Variants in PCDHGA3 observed in about 807,000 individuals in gnomAD.
PCDHGA3 encodes protocadherin gamma-A3.
In PCDHGA3, 40 loss-of-function variants were observed where a neutral mutation model predicts 58.5. The observed-to-expected ratio is 0.68, with a 90% confidence interval of 0.53 to 0.89. The LOEUF is 0.89. Ranked by LOEUF, PCDHGA3 falls within the 40% of genes least tolerant of loss-of-function variation. The pLI is 0.00. For synonymous variants in PCDHGA3, 530 were observed against 525.7 expected (o/e 1.01, Z -0.11); for missense variants, 1,223 against 1,195.9 (o/e 1.02, Z -0.33).
rs1203060261 is a variant in PCDHGA3, at chr5:141,493,037, AG to A, written c.2425-1768del. 3.3e-5 allele frequency among the ~76,000 whole-genome samples: 5 copies of A among 152,252 alleles called. No individual in the cohort carries two copies. The highest frequency in any genetic ancestry group is 2.6e-4 in the Admixed American group (4 of 15,290). ...AGATGCCAGGGTGCCCTTATGTGTG[AG>A]GAAACTACAATAGTAAAAAACACAA... is the stretch of plus-strand genomic sequence containing the variant. On this transcript the variant is annotated intron_variant, in intron 1 of 3. Transcript: ENST00000253812. This position sits in a 1 kb window ranked among gnomAD's most constrained non-coding sequence, Gnocchi z 4.3.
chr5:141,489,101 T>A lies in PCDHGA3; in HGVS notation c.2425-5706T>A. 2 of 398,380 alleles carry A rather than the reference T, an allele frequency of 5.0e-6. No individual in the cohort carries two copies. Among genetic ancestry groups the A allele is most frequent in the Non-Finnish European group, 9.0e-6 (2 of 223,310 alleles). The allele number at this position is 398,380 out of a possible 1,614,324, so 24.7% of individuals were successfully genotyped here. ...CCGCCACTCGGTGACTAAGAACTGC[T>A]GCAAGCAGGCAAACCTCCGAGCAGT... On this transcript the variant is annotated intron_variant, in intron 1 of 3. Coordinates refer to ENST00000253812, the MANE Select transcript of PCDHGA3 (RefSeq NM_018916.4). This position sits in a 1 kb window ranked among gnomAD's most constrained non-coding sequence, Gnocchi z 4.5.
intron 1 of PCDHGA3, among the ~76,000 whole-genome samples, chr5:141,368,609 A>T (rs917384420): frequency 1.3e-5 from 2 of 152,154 alleles, no homozygotes; most frequent in African/African-American, 4.8e-5. Context: ...AAGGTTATAG[A>T]TTTGGGTACA....
intron 1 of PCDHGA3, among the ~76,000 whole-genome samples, chr5:141,347,104 TCTC>T (rs1561493242): frequency 6.6e-6 from 1 of 151,128 alleles, no homozygotes; most frequent in African/African-American, 2.4e-5. Flanking sequence ...CCTTCCTCTC[TCTC>T]TTTCCTCCTT....
chr5:141,438,288 G>C (rs752722248), intron 1 of PCDHGA3, among the ~76,000 whole-genome samples: 18 of 151,902 alleles, frequency 1.2e-4, no homozygotes, highest in Non-Finnish European at 2.1e-4. Flanking sequence ...AATTTAATCT[G>C]TATGTAAAAG....
intron 1 of PCDHGA3, chr5:141,389,735 G>A: frequency 6.2e-7 from 1 of 1,612,708 alleles, no homozygotes; most frequent in Non-Finnish European, 8.5e-7. Flanking sequence ...TCTTCAGCCT[G>A]GGGCTGCGCA....
At chr5:141,425,606 G>A (rs1419859039) in intron 1 of PCDHGA3, among the ~76,000 whole-genome samples, 1 of 152,156 alleles carries the variant, frequency 6.6e-6, no homozygotes, top group Non-Finnish European at 1.5e-5. Context: ...GCCCTATATA[G>A]CTTTCAGTGC....
chr5:141,486,940 A>T lies in PCDHGA3; in HGVS notation c.2425-7867A>T. ...CTCCATCAGTTGGTGCTGGCCACCTAATCACAAAGGTGACTGCTGTGGACT... is the reference window on the plus strand; with the variant it reads ...CTCCATCAGTTGGTGCTGGCCACCTTATCACAAAGGTGACTGCTGTGGACT... On this transcript the variant is annotated intron_variant, in intron 1 of 3. Coordinates refer to ENST00000253812, the MANE Select transcript of PCDHGA3 (RefSeq NM_018916.4). This position sits in a 1 kb window ranked among gnomAD's most constrained non-coding sequence, Gnocchi z 5.0. 6.2e-7 allele frequency: 1 copy of T among 1,614,188 alleles called. No homozygotes were observed. Among genetic ancestry groups the T allele is most frequent in the Non-Finnish European group, 8.5e-7 (1 of 1,180,032 alleles).
At chr5:141,348,999 A>G (rs1758216854) in intron 1 of PCDHGA3, among the ~76,000 whole-genome samples, 1 of 152,172 alleles carries the variant, frequency 6.6e-6, no homozygotes, top group Non-Finnish European at 1.5e-5. Flanking sequence ...TACCTCTCCA[A>G]TATTTACCAG....
At chr5:141,388,835 G>T in intron 1 of PCDHGA3, 1 of 1,613,946 alleles carries the variant, frequency 6.2e-7, no homozygotes, top group South Asian at 1.1e-5. Flanking sequence ...CCATAGTTTT[G>T]GAAGCAAGGG....
At position 141,345,156 on chromosome 5, in the gene PCDHGA3, G is replaced by C; in HGVS notation, c.1123G>C (p.Asp375His). 1.2e-6 allele frequency: 2 copies of C among 1,614,028 alleles called. No individual in the cohort carries two copies. Among genetic ancestry groups the C allele is most frequent in the Non-Finnish European group, 1.7e-6 (2 of 1,179,902 alleles). The stretch of plus-strand genomic sequence containing the variant: ...TGCTCTTATCGACGTGCATGACCGA[G>C]ATTCTGGGCAGAATGGGCAGGTTGA... ...EIALIDVHDR[D>H]SGQNGQVEVF... The change falls in exon 1 of 4, where the codon GAT (aspartate) becomes CAT (histidine). Residue 375 changes from aspartate (D) to histidine (H), a missense_variant. By Grantham distance (81) the Asp-to-His change is moderately conservative (BLOSUM62 -1). This residue lies in a region of PCDHGA3 where 791 missense variants were observed against 708.5 expected (regional missense o/e 1.12). Transcript: ENST00000253812.
chr5:141,371,379 G>C, intron 1 of PCDHGA3: 1 of 1,613,974 alleles, frequency 6.2e-7, no homozygotes, highest in Non-Finnish European at 8.5e-7. Context: ...ACATCACACT[G>C]CATATTGTAA....
At chr5:141,422,202 T>C (rs1272540004) in intron 1 of PCDHGA3, 1 of 1,561,656 alleles carries the variant, frequency 6.4e-7, no homozygotes, top group Admixed American at 2.0e-5. Flanking sequence ...GCCAAGATGG[T>C]GGAGGTCTCT....
chr5:141,366,903 C>G (rs1018569016), intron 1 of PCDHGA3: 1 of 1,174,592 alleles, frequency 8.5e-7, no homozygotes, highest in Non-Finnish European at 1.2e-6. Flanking sequence ...TTCATGCTTT[C>G]TCCATTTGTT....
chr5:141,489,220 C>G lies in PCDHGA3; in HGVS notation c.2425-5587C>G. The G allele has an allele frequency of 6.6e-7, 1 of 1,508,698 alleles. No individual in the cohort carries two copies. Among genetic ancestry groups the G allele is most frequent in the South Asian group, 1.3e-5 (1 of 75,604 alleles). The allele number at this position is 1,508,698 out of a possible 1,614,324, so 93.5% of individuals were successfully genotyped here. A position where few individuals can be genotyped will look rare whatever the true frequency, so the allele number is the denominator to read the frequency against. ...AGACAGGACAGCACAGACTTACTCT[C>G]CACAAAGGGACTTCTGGGTCATGGG... On this transcript the variant is annotated intron_variant, in intron 1 of 3. Transcript: ENST00000253812. The surrounding 1 kb of genome is among the most constrained non-coding windows in gnomAD (Gnocchi z 4.5).
intron 1 of PCDHGA3, chr5:141,355,087 C>T (rs1052813011): frequency 1.4e-6 from 2 of 1,455,264 alleles, no homozygotes; most frequent in Non-Finnish European, 1.8e-6. Context: ...CAAGCGGAAG[C>T]CCTGAGAGCT....
At chr5:141,454,774 G>A (rs1228452126) in intron 1 of PCDHGA3, among the ~76,000 whole-genome samples, 2 of 144,796 alleles carry the variant, frequency 1.4e-5, no homozygotes, top group African/African-American at 2.6e-5. Context: ...TTTTTACAAG[G>A]AAATAATCCT....
intron 1 of PCDHGA3, among the ~76,000 whole-genome samples, chr5:141,373,486 G>A (rs1769628161): frequency 1.3e-5 from 2 of 152,192 alleles, no homozygotes; most frequent in Non-Finnish European, 2.9e-5. Flanking sequence ...TTGTGCCCCT[G>A]CACTCTAGCC....
chr5:141,370,930 C>T lies in PCDHGA3; in HGVS notation c.2424+24473C>T, dbSNP rs753377715. ...TACCTCAGCCCTGATCCGCACTTCT[C>T]TTTGATTCAGAAGGAGAACCTGGAT... On this transcript the variant is annotated intron_variant, in intron 1 of 3. Transcript: ENST00000253812. 16 of 1,613,894 alleles carry T rather than the reference C, an allele frequency of 9.9e-6. No homozygotes were observed. The African/African-American group carries it at 2.1e-4, about 22-fold the overall frequency.
At chr5:141,404,655 C>T (rs2094551486) in intron 1 of PCDHGA3, 1 of 1,614,062 alleles carries the variant, frequency 6.2e-7, no homozygotes, top group Non-Finnish European at 8.5e-7. Flanking sequence ...CCTGCCCTCC[C>T]CACTGATGGT....
Sources: gnomAD v4.1 joint callset for allele counts (sites outside exome capture counted in the v4.1 genomes callset) on GRCh38, gnomAD v4.1.1 for gene constraint, gnomAD v4.1.1 regional missense constraint, Gnocchi (gnomAD v3.1) non-coding constraint, MANE v1.5 for transcripts, NCBI Gene and HGNC (gene_info 2026-07-23, HGNC 2026-07-21) for gene names.